REV1: variants seen among roughly 807,000 people sequenced by gnomAD.
REV1 encodes the protein REV1 DNA directed polymerase, also known as translesion synthesis protein REV1.
Under a neutral mutation model 137.4 loss-of-function variants are expected in REV1, and 42 were observed. The observed-to-expected ratio is 0.31, with a 90% confidence interval of 0.24 to 0.40. REV1 has a LOEUF of 0.40. Ranked by LOEUF, REV1 falls within the 10% of genes least tolerant of loss-of-function variation. The pLI is 1.00. For missense variants in REV1, 1,282 were observed against 1,490.1 expected (o/e 0.86, Z 2.30); for synonymous variants, 524 against 519.2 (o/e 1.01, Z -0.12).
intron 2 of REV1, among the ~76,000 whole-genome samples, chr2:99,463,124 A>G (rs539102001): frequency 6.6e-6 from 1 of 152,184 alleles, no homozygotes; most frequent in South Asian, 2.1e-4. Context: ...AAATACATAA[A>G]ACACATAGGT....
At chr2:99,462,675 T>C in intron 2 of REV1, 53 bp from the exon 3 acceptor site, 4 of 1,560,710 alleles carry the variant, frequency 2.6e-6, no homozygotes, top group East Asian at 2.3e-5. Flanking sequence ...TTCTCCCCCC[T>C]TTTTTGAAAA....
intron 1 of REV1, among the ~76,000 whole-genome samples, chr2:99,484,267 A>G (rs1686919765): frequency 1.3e-5 from 2 of 152,134 alleles, no homozygotes; most frequent in African/African-American, 4.8e-5. Context: ...AAAAGTAACT[A>G]TTGTGTATCA....
At chr2:99,409,534 G>A (rs1676803871) in intron 14 of REV1, among the ~76,000 whole-genome samples, 1 of 152,114 alleles carries the variant, frequency 6.6e-6, no homozygotes, top group Non-Finnish European at 1.5e-5. Context: ...TTAAGTAGTT[G>A]GCCCTGACAT....
chr2:99,440,397 C>T (rs1197267700), intron 5 of REV1, among the ~76,000 whole-genome samples: 1 of 152,188 alleles, frequency 6.6e-6, no homozygotes, highest in African/African-American at 2.4e-5. Flanking sequence ...TCAGGTTCCA[C>T]CTAAAGCCCC....
rs1050495819 is a variant in REV1 at position 99,431,751 on chromosome 2, G to A, written c.1439-1803C>T. ...ATTGGGCTGGCTGACCTGTTCCACAGTGCAGCAGAGTGCGTGGGTCCCTCC... is the reference window on the plus strand; with the variant it reads ...ATTGGGCTGGCTGACCTGTTCCACAATGCAGCAGAGTGCGTGGGTCCCTCC... On this transcript the variant is annotated intron_variant, in intron 8 of 22. Transcript: ENST00000258428. 1.1e-5 allele frequency: 11 copies of A among 985,400 alleles called. No individual in the cohort carries two copies. The Admixed American group carries it at 3.1e-4, about 28-fold the overall frequency. 61.0% of individuals were successfully genotyped at this position (985,400 alleles called of 1,614,324 possible).
At chr2:99,476,354 G>A (rs531509864) in intron 1 of REV1, among the ~76,000 whole-genome samples, 4 of 151,904 alleles carry the variant, frequency 2.6e-5, no homozygotes, top group South Asian at 4.2e-4. Flanking sequence ...TTAGGAGTTC[G>A]AGACCAGCCT....
chr2:99,421,534 T>A lies in REV1; in HGVS notation c.1796A>T (p.Lys599Ile). The A allele has an allele frequency of 6.2e-7, 1 of 1,614,118 alleles. No homozygotes were observed. The highest frequency in any genetic ancestry group is 8.5e-7 in the Non-Finnish European group (1 of 1,179,982). ...EFANAVRMEI[K>I]DQTKCAASVG... is the part of the protein sequence containing the mutation. ...AGAGGCAGCACATTTCGTCTGGTCT[T>A]TGATTTCCATACGAACAGCATTTGC... is the stretch of plus-strand genomic sequence containing the variant. The change falls in exon 11 of 23, where the codon AAA (lysine) becomes ATA (isoleucine). Residue 599 changes from lysine (K) to isoleucine (I), a missense_variant. By Grantham distance (102) the Lys-to-Ile change is moderately radical. Coordinates refer to ENST00000258428, the MANE Select transcript of REV1 (RefSeq NM_016316.4).
At chr2:99,441,154 T>C (rs1250755863) in intron 5 of REV1, among the ~76,000 whole-genome samples, 1 of 152,154 alleles carries the variant, frequency 6.6e-6, no homozygotes, top group Non-Finnish European at 1.5e-5. Flanking sequence ...CTGGTATTAT[T>C]TGCTATATAC....
chr2:99,401,443 C>CAA (rs528664310), intron 22 of REV1, 91 bp from the exon 23 acceptor site: 56,607 of 563,140 alleles, frequency 0.1, 2,780 homozygotes, highest in African/African-American at 0.29. Context: ...TTGACTTTGG[C>CAA]AAAAAAAAAA....
Position 99,418,931 on chromosome 2 carries a change from C to T in REV1, c.1848G>A (p.Leu616=). 6.2e-7 allele frequency: 1 copy of T among 1,609,986 alleles called. No individual in the cohort carries two copies. The highest frequency in any genetic ancestry group is 8.5e-7 in the Non-Finnish European group (1 of 1,177,206). The change falls in exon 12 of 23, where the codon CTG becomes CTA. Residue 616 remains leucine (L), a synonymous_variant. Transcript: ENST00000258428. ...TTGCTTTTCTAGTTGCCATTCTAGCCAGGAGAATATTAGAACCTATTAAAA... is the reference window on the plus strand; with the variant it reads ...TTGCTTTTCTAGTTGCCATTCTAGCTAGGAGAATATTAGAACCTATTAAAA... ...ASVGIGSNIL[L]ARMATRKAKP...
chr2:99,476,607 A>T (rs1390006304), intron 1 of REV1, among the ~76,000 whole-genome samples: 1 of 152,100 alleles, frequency 6.6e-6, no homozygotes, highest in Non-Finnish European at 1.5e-5. Context: ...GCTTTTGTTT[A>T]CCTGGGGGCT....
At chr2:99,442,215 G>GCACTC (rs1681580517) in intron 5 of REV1, 102 bp downstream of exon 5, 3 of 1,073,138 alleles carry the variant, frequency 2.8e-6, no homozygotes, top group Admixed American at 3.3e-5. Flanking sequence ...TCATACCATT[G>GCACTC]CACTCCAGCC....
rs377381654 is a variant in REV1 at position 99,410,172 on chromosome 2, G to A, written c.2345+523C>T. On this transcript the variant is annotated intron_variant, in intron 14 of 22. Transcript: ENST00000258428. ...ACTACAGGCGAATGCCACCATGTCC[G>A]GCTAATTTTTGTACTTTTAGTGGAA... 2.9e-3 allele frequency among the ~76,000 whole-genome samples: 439 copies of A among 152,046 alleles called. 7 individuals are homozygous for A. The highest frequency in any genetic ancestry group is 9.5e-3 in the African/African-American group (396 of 41,484).
chr2:99,404,321 C>G, intron 18 of REV1, 123 bp downstream of exon 18: 1 of 716,970 alleles, frequency 1.4e-6, no homozygotes, highest in Non-Finnish European at 2.3e-6. Context: ...CTCCCCTCCC[C>G]TCCCCTCCCC....
chr2:99,406,074 A>G lies in REV1; in HGVS notation c.2647T>C (p.Ser883Pro). The change falls in exon 17 of 23, where the codon TCT (serine) becomes CCT (proline). Residue 883 changes from serine (S) to proline (P), a missense_variant. Physicochemically the swap from Ser to Pro is moderately conservative, Grantham distance 74. Coordinates refer to ENST00000258428, the MANE Select transcript of REV1 (RefSeq NM_016316.4). ...AAGAAAGTGCAAGTTCTAGAAGCAGATGATATTTCCAGATCCACAGCAGCC... is the reference window on the plus strand; with the variant it reads ...AAGAAAGTGCAAGTTCTAGAAGCAGGTGATATTTCCAGATCCACAGCAGCC... ...FRAAVDLEISSASRTCTFLPP... is the reference protein window; with the variant it reads ...FRAAVDLEISPASRTCTFLPP... 2 of 1,613,658 alleles carry G rather than the reference A, an allele frequency of 1.2e-6. No individual in the cohort carries two copies. Among genetic ancestry groups the G allele is most frequent in the South Asian group, 1.1e-5 (1 of 90,936 alleles).
At chr2:99,462,703 T>C in intron 2 of REV1, 81 bp from the exon 3 acceptor site, 1 of 1,343,540 alleles carries the variant, frequency 7.4e-7, no homozygotes, top group South Asian at 1.3e-5. Flanking sequence ...TTTTAAAAAC[T>C]AAATAAATAA....
intron 1 of REV1, among the ~76,000 whole-genome samples, chr2:99,480,912 T>TA (rs1227067979): frequency 1.3e-5 from 2 of 152,224 alleles, no homozygotes; most frequent in East Asian, 3.8e-4. Flanking sequence ...CCAGAAGTCT[T>TA]ATTCAATGTA....
chr2:99,427,043 C>A (rs1249709503), intron 9 of REV1, among the ~76,000 whole-genome samples: 4 of 152,014 alleles, frequency 2.6e-5, no homozygotes, highest in South Asian at 4.2e-4. Flanking sequence ...ATTAGCCAGG[C>A]GTGGTGGCGG....
chr2:99,474,087 GAC>G (rs1308081987), intron 1 of REV1, among the ~76,000 whole-genome samples: 1 of 152,134 alleles, frequency 6.6e-6, no homozygotes, highest in Non-Finnish European at 1.5e-5. Context: ...CCTATTAACT[GAC>G]ACTTTATATT....
Sources: gnomAD v4.1 joint callset for allele counts (sites outside exome capture counted in the v4.1 genomes callset) on GRCh38, gnomAD v4.1.1 for gene constraint, MANE v1.5 for transcripts, NCBI Gene and HGNC (gene_info 2026-07-23, HGNC 2026-07-21) for gene names.